The following NEGR1 variants were observed in gnomAD, a reference collection of about 807,000 sequenced individuals.
NEGR1 encodes IgLON family member 4.
Under a neutral mutation model 40.9 loss-of-function variants are expected in NEGR1, and 10 were observed. The observed-to-expected ratio is 0.24, with a 90% confidence interval of 0.15 to 0.42. NEGR1 has a LOEUF of 0.42. Ranked by LOEUF, NEGR1 falls within the 10% of genes least tolerant of loss-of-function variation. NEGR1 has a pLI of 1.00. For missense variants in NEGR1, 352 were observed against 438.9 expected (o/e 0.80, Z 1.77); for synonymous variants, 185 against 166.8 (o/e 1.11, Z -0.84).
chr1:72,120,449 T>C (rs955229292), intron 1 of NEGR1, among the ~76,000 whole-genome samples: 4 of 152,078 alleles, frequency 2.6e-5, no homozygotes, highest in Admixed American at 2.0e-4. Flanking sequence ...AGCCACCAAA[T>C]ACAAATATCC....
intron 2 of NEGR1, among the ~76,000 whole-genome samples, chr1:71,790,405 C>T (rs72678959): frequency 1.0e-3 from 157 of 152,218 alleles, no homozygotes; most frequent in Middle Eastern, 3.4e-3. Flanking sequence ...TCAGTCGTTA[C>T]AACATGCTAG....
chr1:71,690,633 G>C (rs1204398467), intron 4 of NEGR1, among the ~76,000 whole-genome samples: 6 of 144,286 alleles, frequency 4.2e-5, no homozygotes, highest in Non-Finnish European at 6.1e-5. Context: ...GAGAGAGAGA[G>C]AGAGAGAGAG....
At chr1:71,466,633 G>T (rs1330622029) in intron 6 of NEGR1, among the ~76,000 whole-genome samples, 1 of 152,108 alleles carries the variant, frequency 6.6e-6, no homozygotes. Flanking sequence ...AAAGAGTCAT[G>T]TGGTATTTGG....
chr1:71,412,694 T>C (rs1479912101), intron 6 of NEGR1, among the ~76,000 whole-genome samples: 1 of 152,174 alleles, frequency 6.6e-6, no homozygotes, highest in East Asian at 1.9e-4. Flanking sequence ...TATTTCTTTC[T>C]TACTACCTGC....
At chr1:71,731,612 TC>T (rs1654870609) in intron 3 of NEGR1, among the ~76,000 whole-genome samples, 1 of 152,196 alleles carries the variant, frequency 6.6e-6, no homozygotes, top group South Asian at 2.1e-4. Context: ...AATACAAATT[TC>T]CTTTAAAAAG....
rs544092023 is a variant in NEGR1 at position 71,796,793 on chromosome 1, T to A, written c.410-20496A>T. The stretch of plus-strand genomic sequence containing the variant: ...GTACAAAAAGACATCACAAAAGAAG[T>A]AAGTAAATTGCTTAGTACCAAATAA... On this transcript the variant is annotated intron_variant, in intron 2 of 6. Coordinates refer to ENST00000357731, the MANE Select transcript of NEGR1 (RefSeq NM_173808.3). Among the ~76,000 whole-genome samples the A allele has an allele frequency of 4.6e-5, 7 of 152,236 alleles. No homozygotes were observed. In the South Asian group the frequency reaches 1.4e-3, roughly 32 times the overall value.
chr1:72,239,327 A>C (rs1654660457), intron 1 of NEGR1, among the ~76,000 whole-genome samples: 1 of 151,848 alleles, frequency 6.6e-6, no homozygotes, highest in African/African-American at 2.4e-5. Context: ...ATAATCTTCA[A>C]TTAATCATCA....
intron 1 of NEGR1, among the ~76,000 whole-genome samples, chr1:72,280,780 A>G (rs943644395): frequency 6.6e-6 from 1 of 152,200 alleles, no homozygotes; most frequent in Non-Finnish European, 1.5e-5. Flanking sequence ...CACATCATTA[A>G]ATTTAAATAT....
chr1:72,215,919 T>C (rs1653789568), intron 1 of NEGR1, among the ~76,000 whole-genome samples: 1 of 152,030 alleles, frequency 6.6e-6, no homozygotes, highest in Non-Finnish European at 1.5e-5. Context: ...CGTATGTTTA[T>C]TGCAGCACTG....
At chr1:72,164,292 T>C (rs188136229) in intron 1 of NEGR1, among the ~76,000 whole-genome samples, 1 of 135,610 alleles carries the variant, frequency 7.4e-6, no homozygotes, top group Non-Finnish European at 1.5e-5. Flanking sequence ...TTGAAAACTG[T>C]TTTTTTTTTA....
intron 6 of NEGR1, among the ~76,000 whole-genome samples, chr1:71,531,381 A>AC (rs1274471909): frequency 6.6e-6 from 1 of 151,368 alleles, no homozygotes; most frequent in Non-Finnish European, 1.5e-5. Flanking sequence ...AACTTATCTA[A>AC]TCTTTACGTC....
At chr1:72,151,267 T>G (rs1017870938) in intron 1 of NEGR1, among the ~76,000 whole-genome samples, 4 of 151,146 alleles carry the variant, frequency 2.6e-5, no homozygotes, top group African/African-American at 9.7e-5. Flanking sequence ...TATAATTTAG[T>G]TTAATAAATA....
intron 1 of NEGR1, among the ~76,000 whole-genome samples, chr1:71,943,746 C>T (rs999606149): frequency 6.6e-6 from 1 of 152,150 alleles, no homozygotes; most frequent in African/African-American, 2.4e-5. Context: ...TTACTATCCT[C>T]TTATCCCGAT....
At chr1:71,858,974 C>G (rs1400680537) in intron 2 of NEGR1, among the ~76,000 whole-genome samples, 1 of 152,010 alleles carries the variant, frequency 6.6e-6, no homozygotes, top group African/African-American at 2.4e-5. Flanking sequence ...ACTAGAAGGT[C>G]GTTCCTCCCT....
intron 2 of NEGR1, among the ~76,000 whole-genome samples, chr1:71,835,540 G>T (rs1049323864): frequency 1.3e-5 from 2 of 151,926 alleles, no homozygotes; most frequent in African/African-American, 4.8e-5. Flanking sequence ...GCAATTTCAT[G>T]GTTCTAACAA....
intron 2 of NEGR1, among the ~76,000 whole-genome samples, chr1:71,786,132 G>C (rs1656900662): frequency 6.6e-6 from 1 of 151,746 alleles, no homozygotes; most frequent in Admixed American, 6.6e-5. Context: ...CATTAAGGAA[G>C]AAAAAAAAGT....
intron 2 of NEGR1, among the ~76,000 whole-genome samples, chr1:71,786,938 T>A (rs771622127): frequency 3.3e-5 from 5 of 152,220 alleles, no homozygotes; most frequent in Non-Finnish European, 7.3e-5. Context: ...TAGCCCACTG[T>A]GGTGTCACCA....
At chr1:71,898,067 T>C (rs868868316) in intron 2 of NEGR1, among the ~76,000 whole-genome samples, 15 of 152,298 alleles carry the variant, frequency 9.8e-5, no homozygotes, top group African/African-American at 2.2e-4. Context: ...CTGTGGCTAA[T>C]AATGAAAGAA....
At chr1:71,621,745 C>T (rs1465664914) in intron 4 of NEGR1, among the ~76,000 whole-genome samples, 5 of 151,786 alleles carry the variant, frequency 3.3e-5, no homozygotes, top group Admixed American at 2.0e-4. Context: ...AAACTATTAA[C>T]CTAAGAGATT....
Sources: allele counts gnomAD v4.1 joint callset (sites outside exome capture counted in the v4.1 genomes callset), GRCh38; gene constraint gnomAD v4.1.1; transcripts MANE v1.5; gene names NCBI Gene and HGNC (gene_info 2026-07-23, HGNC 2026-07-21).